NKAIN2: variants seen among roughly 807,000 people sequenced by gnomAD.
The protein encoded by NKAIN2 is sodium/potassium transporting ATPase interacting 2, also known as sodium/potassium-transporting ATPase subunit beta-1-interacting protein 2.
A neutral mutation model predicts 32.6 loss-of-function variants in NKAIN2; 14 were observed. That is an observed-to-expected ratio of 0.43 (90% CI 0.28 to 0.67). The LOEUF (loss-of-function observed/expected upper bound fraction) is 0.67. Among genes scored for constraint, NKAIN2 ranks in the 30% least tolerant of loss-of-function variants. NKAIN2 has a pLI of 0.17. For synonymous variants in NKAIN2, 80 were observed against 87.2 expected (o/e 0.92, Z 0.46); for missense variants, 198 against 258.3 (o/e 0.77, Z 1.60).
At chr6:123,809,911 C>CAGGGTT (rs1334150716) in intron 1 of NKAIN2, among the ~76,000 whole-genome samples, 4 of 152,054 alleles carry the variant, frequency 2.6e-5, no homozygotes, top group Non-Finnish European at 5.9e-5. Context: ...GTAAAAACTC[C>CAGGGTT]TTGAAATGCT....
intron 1 of NKAIN2, among the ~76,000 whole-genome samples, chr6:124,071,709 C>T (rs1783477743): frequency 6.6e-6 from 1 of 151,912 alleles, no homozygotes; most frequent in Non-Finnish European, 1.5e-5. Context: ...TAGCGGCCAA[C>T]AAATATATGA....
chr6:124,039,084 T>TA (rs1481939312), intron 1 of NKAIN2, among the ~76,000 whole-genome samples: 2 of 152,216 alleles, frequency 1.3e-5, no homozygotes, highest in South Asian at 4.1e-4. Flanking sequence ...ACATCTGTTT[T>TA]AAAAAAAGTT....
Position 124,822,084 on chromosome 6 carries a change from C to T in NKAIN2, c.618-1136C>T, listed in dbSNP as rs145683186. 3.9e-3 allele frequency among the ~76,000 whole-genome samples: 591 copies of T among 152,298 alleles called. 9 individuals carry two copies. Among genetic ancestry groups the T allele is most frequent in the African/African-American group, 0.014 (571 of 41,568 alleles). ...GCCACATTTCCATACATGGCTGTGC[C>T]TCTCTCCCTTTTCTGCATTCTGTTT... On this transcript the variant is annotated intron_variant, in intron 6 of 6. Coordinates refer to ENST00000368417, the MANE Select transcript of NKAIN2 (RefSeq NM_001040214.3).
intron 4 of NKAIN2, among the ~76,000 whole-genome samples, chr6:124,666,336 C>T (rs980358289): frequency 3.3e-5 from 5 of 152,132 alleles, no homozygotes. Context: ...AGGGAAAGGA[C>T]ATTTCTGGGC....
At chr6:124,558,068 G>A (rs879621337) in intron 3 of NKAIN2, among the ~76,000 whole-genome samples, 1 of 152,190 alleles carries the variant, frequency 6.6e-6, no homozygotes. Flanking sequence ...TCCATTAACT[G>A]TTCTCTCTCA....
intron 3 of NKAIN2, among the ~76,000 whole-genome samples, chr6:124,648,479 T>C (rs1329541132): frequency 6.6e-6 from 1 of 152,190 alleles, no homozygotes; most frequent in Non-Finnish European, 1.5e-5. Context: ...GAAATCTCTT[T>C]AAAGTTTAGT....
At chr6:124,299,380 T>C (rs1796203222) in intron 2 of NKAIN2, among the ~76,000 whole-genome samples, 1 of 152,218 alleles carries the variant, frequency 6.6e-6, no homozygotes, top group Admixed American at 6.5e-5. Context: ...TTTTAGAATG[T>C]TACTGGACTC....
chr6:123,992,971 G>T (rs1207813306), intron 1 of NKAIN2, among the ~76,000 whole-genome samples: 2 of 152,174 alleles, frequency 1.3e-5, no homozygotes, highest in African/African-American at 4.8e-5. Flanking sequence ...CCACTTACCA[G>T]TTCTGAGAAC....
chr6:124,523,715 C>A (rs1779208849), intron 3 of NKAIN2, among the ~76,000 whole-genome samples: 1 of 152,044 alleles, frequency 6.6e-6, no homozygotes, highest in Non-Finnish European at 1.5e-5. Flanking sequence ...GCCTGGCCAA[C>A]TAACAAAGAC....
intron 4 of NKAIN2, among the ~76,000 whole-genome samples, chr6:124,664,110 A>G (rs1772642739): frequency 6.6e-6 from 1 of 151,990 alleles, no homozygotes; most frequent in Admixed American, 6.6e-5. Flanking sequence ...CCCCGTCTCT[A>G]CTAAAAATAC....
At chr6:124,481,279 G>A (rs888815256) in intron 3 of NKAIN2, among the ~76,000 whole-genome samples, 2 of 151,240 alleles carry the variant, frequency 1.3e-5, no homozygotes, top group African/African-American at 4.9e-5. Flanking sequence ...CCAAGTTTCA[G>A]TTGGCATTAA....
chr6:124,063,686 G>C (rs1783024984), intron 1 of NKAIN2, among the ~76,000 whole-genome samples: 1 of 151,990 alleles, frequency 6.6e-6, no homozygotes, highest in South Asian at 2.1e-4. Context: ...TATATATTTG[G>C]TTTAGTAATT....
chr6:124,710,850 T>C (rs1775408319), intron 4 of NKAIN2, among the ~76,000 whole-genome samples: 1 of 151,154 alleles, frequency 6.6e-6, no homozygotes, highest in African/African-American at 2.4e-5. Context: ...AATATTGTTA[T>C]GTGTGAATTT....
intron 3 of NKAIN2, among the ~76,000 whole-genome samples, chr6:124,547,098 C>T (rs943555227): frequency 2.6e-5 from 4 of 151,816 alleles, no homozygotes; most frequent in Admixed American, 2.6e-4. Flanking sequence ...TTCACATTTC[C>T]TTTGGACACA....
chr6:124,392,907 T>G (rs1409689159), intron 3 of NKAIN2, among the ~76,000 whole-genome samples: 2 of 152,146 alleles, frequency 1.3e-5, no homozygotes, highest in African/African-American at 4.8e-5. Context: ...CCTGAAAGCT[T>G]GCTACTTGGC....
At chr6:124,805,241 C>G (rs1780481636) in intron 5 of NKAIN2, among the ~76,000 whole-genome samples, 1 of 152,184 alleles carries the variant, frequency 6.6e-6, no homozygotes, top group Non-Finnish European at 1.5e-5. Context: ...GAGGCACCCC[C>G]CAGTAGGGGC....
intron 1 of NKAIN2, among the ~76,000 whole-genome samples, chr6:124,059,254 T>C (rs1203444061): frequency 6.6e-6 from 1 of 152,126 alleles, no homozygotes; most frequent in South Asian, 2.1e-4. Flanking sequence ...TCTACAAGCT[T>C]CTATGTAATC....
At chr6:124,239,812 A>C (rs995922900) in intron 1 of NKAIN2, among the ~76,000 whole-genome samples, 3 of 152,184 alleles carry the variant, frequency 2.0e-5, no homozygotes, top group Non-Finnish European at 4.4e-5. Context: ...TAAAATCGAC[A>C]TCCTACCATC....
chr6:124,449,807 T>G (rs1776029900), intron 3 of NKAIN2, among the ~76,000 whole-genome samples: 1 of 152,172 alleles, frequency 6.6e-6, no homozygotes, highest in African/African-American at 2.4e-5. Context: ...TTTGGAATAC[T>G]TATATGACCA....
Sources: gnomAD v4.1 joint callset for allele counts (sites outside exome capture counted in the v4.1 genomes callset) on GRCh38, gnomAD v4.1.1 for gene constraint, MANE v1.5 for transcripts, NCBI Gene and HGNC (gene_info 2026-07-23, HGNC 2026-07-21) for gene names.